Variants in AURKAIP1 observed in about 807,000 individuals in gnomAD.
AURKAIP1 encodes the protein small ribosomal subunit protein bS22, mitochondrial.
In AURKAIP1, 20 loss-of-function variants were observed where a neutral mutation model predicts 18.4. The ratio of observed to expected loss-of-function variants is 1.09; its 90% CI spans 0.77 to 1.58. AURKAIP1 has a LOEUF of 1.58. Among genes scored for constraint, AURKAIP1 ranks in the 40% most tolerant of loss-of-function variants. The pLI, the probability that AURKAIP1 is intolerant of heterozygous loss-of-function variation, is 0.00. For missense variants in AURKAIP1, 319 were observed against 270.7 expected (o/e 1.18, Z -1.25); for synonymous variants, 156 against 120.8 (o/e 1.29, Z -1.91).
Position 1,374,750 on chromosome 1 carries a change from G to A in AURKAIP1, c.7C>T (p.Leu3=), listed in dbSNP as rs1211847679. 8 of 1,559,400 alleles carry A rather than the reference G, an allele frequency of 5.1e-6. No homozygotes were observed. Among genetic ancestry groups the A allele is most frequent in the Middle Eastern group, 3.4e-4 (2 of 5,954 alleles). Residue 3 remains leucine (L), a synonymous_variant, in exon 2 of 4, where the codon CTG becomes TTG. Coordinates refer to ENST00000338338, the MANE Select transcript of AURKAIP1 (RefSeq NM_017900.3). ML[L]GRLTSQLLRA... ...AACAGCTGGGAAGTCAGGCGCCCCAGGAGCATGGTCTGTGGGCGGCGGCCA... is the reference window on the plus strand; with the variant it reads ...AACAGCTGGGAAGTCAGGCGCCCCAAGAGCATGGTCTGTGGGCGGCGGCCA...
At chr1:1,374,628 T>C in intron 2 of AURKAIP1, 77 bp downstream of exon 2, 2 of 1,483,878 alleles carry the variant, frequency 1.3e-6, no homozygotes, top group Non-Finnish European at 1.8e-6. Context: ...CCACCGGCCC[T>C]GCCCCAGCGG....
At chr1:1,374,616 G>A in intron 2 of AURKAIP1, 89 bp downstream of exon 2, 1 of 1,434,016 alleles carries the variant, frequency 7.0e-7, no homozygotes. Flanking sequence ...GTGTGTGTGT[G>A]GCCACCGGCC....
At chr1:1,374,884 G>C in intron 1 of AURKAIP1, 94 bp from the exon 2 acceptor site, 2 of 817,576 alleles carry the variant, frequency 2.4e-6, no homozygotes, top group Non-Finnish European at 3.7e-6. Context: ...CGCGACCCTC[G>C]CTTCCCTTCT....
At chr1:1,374,561 C>G (rs938504006) in intron 2 of AURKAIP1, 116 bp from the exon 3 acceptor site, 35 of 1,359,536 alleles carry the variant, frequency 2.6e-5, no homozygotes, top group Admixed American at 1.1e-4. Flanking sequence ...TGGCCTGAAC[C>G]CCTGAGGTTC....
At chr1:1,375,011 A>C in intron 1 of AURKAIP1, 143 bp downstream of exon 1, 2 of 438,236 alleles carry the variant, frequency 4.6e-6, no homozygotes, top group Non-Finnish European at 8.2e-6. Flanking sequence ...AGGTCCCAGA[A>C]CGGGGAGGCC....
chr1:1,373,908 A>T lies in AURKAIP1; in HGVS notation c.499-6T>A, dbSNP rs752757342. ...AGGTCTTTCTCGAACTTGATCTGCAAGACGCAGAGAGAGGGACCGCCAAGT... is the reference window on the plus strand; with the variant it reads ...AGGTCTTTCTCGAACTTGATCTGCATGACGCAGAGAGAGGGACCGCCAAGT... On this transcript the variant is annotated splice_polypyrimidine_tract_variant and splice_region_variant and intron_variant, in intron 3 of 3. Coordinates refer to ENST00000338338, the MANE Select transcript of AURKAIP1 (RefSeq NM_017900.3). 1.2e-6 allele frequency: 2 copies of T among 1,609,154 alleles called. No homozygotes were observed. Among genetic ancestry groups the T allele is most frequent in the South Asian group, 2.2e-5 (2 of 91,086 alleles).
In AURKAIP1 at chr1:1,374,114, T is replaced by C. The variant is rs757823903; in HGVS notation, c.384A>G (p.Lys128=). ...GVADAPQIQC[K]NVLKIRRRKM... is the part of the protein sequence containing the mutation. ...TCCGCCGGCGGATCTTCAGCACGTT[T>C]TTGCACTGAATTTGAGGCGCATCCG... Residue 128 remains lysine, a synonymous_variant, in exon 3 of 4, where the codon AAA becomes AAG. Coordinates refer to ENST00000338338, the MANE Select transcript of AURKAIP1 (RefSeq NM_017900.3). 6.2e-7 allele frequency: 1 copy of C among 1,613,558 alleles called. No individual in the cohort carries two copies. Among genetic ancestry groups the C allele is most frequent in the Non-Finnish European group, 8.5e-7 (1 of 1,179,862 alleles).
At chr1:1,374,821 G>A (rs893342044) in intron 1 of AURKAIP1, 31 bp from the exon 2 acceptor site, 2 of 1,483,258 alleles carry the variant, frequency 1.3e-6, no homozygotes, top group Admixed American at 4.2e-5. Context: ...CAGGTCAGGC[G>A]GCAGCGCCTT....
chr1:1,374,470 C>A, intron 2 of AURKAIP1, 25 bp from the exon 3 acceptor site: 2 of 1,438,654 alleles, frequency 1.4e-6, no homozygotes, highest in South Asian at 2.9e-5. Context: ...ACGCCACGGT[C>A]ACCGCTCGCG....
chr1:1,374,841 C>G, intron 1 of AURKAIP1, 51 bp from the exon 2 acceptor site: 1 of 1,334,454 alleles, frequency 7.5e-7, no homozygotes, highest in South Asian at 1.4e-5. Context: ...TCAGTAGTCG[C>G]GGGCGGGCCG....
Position 1,373,922 on chromosome 1 carries a change from G to A in AURKAIP1, c.499-20C>T, listed in dbSNP as rs779846981. On this transcript the variant is annotated intron_variant, in intron 3 of 3. Transcript: ENST00000338338. The stretch of plus-strand genomic sequence containing the variant: ...CTTGATCTGCAAGACGCAGAGAGAG[G>A]GACCGCCAAGTAATTCGTGGCAAAG... 1.9e-6 allele frequency: 3 copies of A among 1,609,098 alleles called. No individual in the cohort carries two copies. Among genetic ancestry groups the A allele is most frequent in the Non-Finnish European group, 1.7e-6 (2 of 1,179,918 alleles).
chr1:1,374,926 T>G, intron 1 of AURKAIP1, 136 bp from the exon 2 acceptor site: 1 of 608,836 alleles, frequency 1.6e-6, no homozygotes, highest in Non-Finnish European at 2.8e-6. Flanking sequence ...AAGGAGGACT[T>G]TGCTTCCAAC....
rs757311906 is a variant in AURKAIP1, at chr1:1,374,300, G to T, written c.198C>A (p.Pro66=). 6.3e-7 allele frequency: 1 copy of T among 1,589,976 alleles called. No homozygotes were observed. Residue 66 remains proline (P), a synonymous_variant, in exon 3 of 4, where the codon CCC becomes CCA. Coordinates refer to ENST00000338338, the MANE Select transcript of AURKAIP1 (RefSeq NM_017900.3). ...AQLELEEMLV[P]RKMSVSPLES... ...CCAGGGGGCTGACGGACATCTTCCT[G>T]GGGACCAGCATCTCCTCCAGCTCCA...
At chr1:1,374,636 C>A in intron 2 of AURKAIP1, 69 bp downstream of exon 2, 2 of 1,506,282 alleles carry the variant, frequency 1.3e-6, no homozygotes, top group Non-Finnish European at 1.8e-6. Context: ...CCTGCCCCAG[C>A]GGAGCTGCTG....
rs1445777475 is a variant in AURKAIP1 at position 1,373,825 on chromosome 1, G to A, written c.576C>T (p.Pro192=). 1.9e-6 allele frequency: 3 copies of A among 1,602,216 alleles called. No individual in the cohort carries two copies. The highest frequency in any genetic ancestry group is 1.7e-5 in the Admixed American group (1 of 59,996). Residue 192 remains proline (P), a synonymous_variant, in exon 4 of 4, where the codon CCC becomes CCT. Coordinates refer to ENST00000338338, the MANE Select transcript of AURKAIP1 (RefSeq NM_017900.3). Reference sequence around the variant, plus strand: ...CTCATTTGCCCCGCAGGTAGATCTTGGGGGTCTGCCAGCCTTCGGGGGCTT... The same window carrying A: ...CTCATTTGCCCCGCAGGTAGATCTTAGGGGTCTGCCAGCCTTCGGGGGCTT... The part of the protein sequence containing the change: ...LKEAPEGWQT[P]KIYLRGK
chr1:1,374,422 A>G lies in AURKAIP1; in HGVS notation c.76T>C (p.Ser26Pro). ...CAGACCCGGCTGCCCAGCACTCCAG[A>G]GACGGGCCAAGGCGGGCGGCCGCCT... ...WAGGRPPWPV[S>P]GVLGSRVCGP... The change falls in exon 3 of 4, where the codon TCT becomes CCT. Residue 26 changes from serine to proline, a missense_variant. Coordinates refer to ENST00000338338, the MANE Select transcript of AURKAIP1 (RefSeq NM_017900.3). 1 of 1,457,622 alleles carries G rather than the reference A, an allele frequency of 6.9e-7. No individual in the cohort carries two copies. The highest frequency in any genetic ancestry group is 9.0e-7 in the Non-Finnish European group (1 of 1,110,924). 90.3% of individuals were successfully genotyped at this position (1,457,622 alleles called of 1,614,324 possible).
In AURKAIP1 at chr1:1,374,216, A is replaced by G. The variant is rs750001485; in HGVS notation, c.282T>C (p.Thr94=). The G allele has an allele frequency of 6.2e-7, 1 of 1,613,234 alleles. No individual in the cohort carries two copies. The change falls in exon 3 of 4, where the codon ACT becomes ACC. Residue 94 remains threonine, a synonymous_variant. Coordinates refer to ENST00000338338, the MANE Select transcript of AURKAIP1 (RefSeq NM_017900.3). The part of the protein sequence containing the change: ...LPRLDTGTAG[T]VAPPQSYQCP... Reference sequence around the variant, plus strand: ...ACTGGTAGGATTGCGGTGGAGCCACAGTCCCTGCGGTCCCGGTATCCAGTC... The same window carrying G: ...ACTGGTAGGATTGCGGTGGAGCCACGGTCCCTGCGGTCCCGGTATCCAGTC...
Position 1,374,159 on chromosome 1 carries a change from C to T in AURKAIP1, c.339G>A (p.Glu113=). The T allele has an allele frequency of 6.2e-7, 1 of 1,614,040 alleles. No individual in the cohort carries two copies. The highest frequency in any genetic ancestry group is 8.5e-7 in the Non-Finnish European group (1 of 1,180,042). Residue 113 remains glutamate (E), a synonymous_variant, in exon 3 of 4, where the codon GAG becomes GAA. Transcript: ENST00000338338. ...CATCCGCGACGCCTTCATCCCCCTG[C>T]TCGGCCCCTTCCCCTATCTGGCTGG... is the stretch of plus-strand genomic sequence containing the variant. ...CPPSQIGEGA[E]QGDEGVADAP... is the part of the protein sequence containing the mutation.
chr1:1,374,598 G>T, intron 2 of AURKAIP1, 107 bp downstream of exon 2: 1 of 1,403,754 alleles, frequency 7.1e-7, no homozygotes, highest in Non-Finnish European at 9.8e-7. Context: ...AAGCTTAGAG[G>T]GGAAAGAGTG....
Sources: allele counts gnomAD v4.1 joint callset, GRCh38; gene constraint gnomAD v4.1.1; transcripts MANE v1.5; gene names NCBI Gene and HGNC (gene_info 2026-07-23, HGNC 2026-07-21).